The following SLC13A2 variants were observed in gnomAD, a reference collection of about 807,000 sequenced individuals.
SLC13A2 encodes Na(+)-coupled citrate transporter.
Under a neutral mutation model 58.5 loss-of-function variants are expected in SLC13A2, and 40 were observed. The observed-to-expected ratio is 0.68, with a 90% CI of 0.53 to 0.89. The LOEUF (loss-of-function observed/expected upper bound fraction) is 0.89, where lower values mean the gene tolerates loss of function less well. Among genes scored for constraint, SLC13A2 ranks in the 40% least tolerant of loss-of-function variants. SLC13A2 has a pLI of 0.00. For missense variants in SLC13A2, 694 were observed against 772.6 expected (o/e 0.90, Z 1.21); for synonymous variants, 341 against 331.6 (o/e 1.03, Z -0.31).
chr17:28,488,472 A>T (rs1241246339), intron 1 of SLC13A2, among the ~76,000 whole-genome samples: 2 of 152,078 alleles, frequency 1.3e-5, no homozygotes, highest in Non-Finnish European at 2.9e-5. Flanking sequence ...GAGGCTCTAT[A>T]AGGGGGGTGG....
chr17:28,489,269 C>T lies in SLC13A2; in HGVS notation c.158C>T (p.Ala53Val), dbSNP rs782188743. Residue 53 changes from alanine to valine, a missense_variant, in exon 2 of 12, where the codon GCC becomes GTC. By Grantham distance (64) the Ala-to-Val change is moderately conservative. Transcript: ENST00000314669. ...ATGGCGCTCTTCTGGTGCACTGAGG[C>T]CCTGCCCCTGGCCGTCACTGCCCTC... ...ILMALFWCTE[A>V]LPLAVTALFP... 6.2e-7 allele frequency: 1 copy of T among 1,614,060 alleles called. No homozygotes were observed. The highest frequency in any genetic ancestry group is 1.1e-5 in the South Asian group (1 of 91,088).
At chr17:28,476,254 C>T (rs2068668567) in intron 1 of SLC13A2, among the ~76,000 whole-genome samples, 1 of 152,126 alleles carries the variant, frequency 6.6e-6, no homozygotes, top group Admixed American at 6.6e-5. Flanking sequence ...CGGTCATTTC[C>T]CATGTGTCCC....
At position 28,493,737 on chromosome 17, in the gene SLC13A2, G is replaced by A. The variant is rs1555604026; in HGVS notation, c.1045G>A (p.Gly349Ser). 1.9e-6 allele frequency: 3 copies of A among 1,614,224 alleles called. No individual in the cohort carries two copies. In the South Asian group the frequency reaches 3.3e-5, roughly 18 times the overall value. ...LVLLWFTREP[G>S]FFLGWGNLAF... ...GCTGCTCTGGTTCACCCGGGAGCCG[G>A]GCTTTTTTCTTGGCTGGGGCAATTT... Residue 349 changes from glycine to serine, a missense_variant, in exon 7 of 12, where the codon GGC becomes AGC. Transcript: ENST00000314669.
intron 7 of SLC13A2, 29 bp downstream of exon 7, chr17:28,493,818 C>T: frequency 6.2e-7 from 1 of 1,610,234 alleles, no homozygotes; most frequent in Non-Finnish European, 8.5e-7. Flanking sequence ...GGGAGGAGGA[C>T]ACATCTGGGG....
At chr17:28,483,511 C>T (rs976273154) in intron 1 of SLC13A2, among the ~76,000 whole-genome samples, 1 of 152,046 alleles carries the variant, frequency 6.6e-6, no homozygotes, top group Non-Finnish European at 1.5e-5. Context: ...GTGGCACATG[C>T]CTATAGTCCC....
In SLC13A2 at chr17:28,494,039, G is replaced by C. The variant is rs1555604145; in HGVS notation, c.1120G>C (p.Ala374Pro). The change falls in exon 8 of 12, where the codon GCC (alanine) becomes CCC (proline). Residue 374 changes from alanine to proline, a missense_variant. By Grantham distance (27) the Ala-to-Pro change is conservative (BLOSUM62 -1). Transcript: ENST00000314669. This position sits in a 1 kb window ranked among gnomAD's most constrained non-coding sequence, Gnocchi z 4.0. ...CAGCATGGTGTCCGATGGGACAGTG[G>C]CCATCTTCATCGGCATAATTATGTT... ...GESMVSDGTV[A>P]IFIGIIMFII... is the part of the protein sequence containing the mutation. 6.2e-7 allele frequency: 1 copy of C among 1,614,114 alleles called. No individual in the cohort carries two copies. The highest frequency in any genetic ancestry group is 1.7e-5 in the Admixed American group (1 of 60,026).
chr17:28,493,736 G>A lies in SLC13A2; in HGVS notation c.1044G>A (p.Pro348=), dbSNP rs147021128. The A allele has an allele frequency of 1.2e-4, 192 of 1,614,210 alleles. 4 individuals are homozygous for A. The highest frequency in any genetic ancestry group is 1.2e-3 in the South Asian group (108 of 91,080). Residue 348 remains proline, a synonymous_variant, in exon 7 of 12, where the codon CCG becomes CCA. Coordinates refer to ENST00000314669, the MANE Select transcript of SLC13A2 (RefSeq NM_003984.4). ...ILVLLWFTRE[P]GFFLGWGNLA... Reference sequence around the variant, plus strand: ...TGCTGCTCTGGTTCACCCGGGAGCCGGGCTTTTTTCTTGGCTGGGGCAATT... The same window carrying A: ...TGCTGCTCTGGTTCACCCGGGAGCCAGGCTTTTTTCTTGGCTGGGGCAATT...
chr17:28,477,190 TTTG>T (rs1555600105), intron 1 of SLC13A2, among the ~76,000 whole-genome samples: 10 of 116,066 alleles, frequency 8.6e-5, no homozygotes, highest in South Asian at 2.5e-4. Context: ...ACCCAAGTTT[TTTG>T]TTTTTTTTTT....
chr17:28,480,543 G>A (rs528835998), intron 1 of SLC13A2, among the ~76,000 whole-genome samples: 4 of 152,262 alleles, frequency 2.6e-5, no homozygotes, highest in African/African-American at 7.2e-5. Context: ...AGCCAAACAG[G>A]TGTGGGTTCA....
At chr17:28,491,255 C>G (rs987163967) in intron 4 of SLC13A2, among the ~76,000 whole-genome samples, 182 bp from the exon 5 acceptor site, 2 of 152,172 alleles carry the variant, frequency 1.3e-5, no homozygotes, top group African/African-American at 4.8e-5. Context: ...TCCAAGGGTG[C>G]TCCCAGCCTG....
intron 1 of SLC13A2, among the ~76,000 whole-genome samples, chr17:28,487,769 A>G (rs895785340): frequency 5.9e-5 from 9 of 152,250 alleles, no homozygotes; most frequent in South Asian, 2.1e-4. Context: ...AGTGGCCCCA[A>G]TCCTGGGGCT....
At chr17:28,492,096 G>A (rs1370538212) in intron 6 of SLC13A2, among the ~76,000 whole-genome samples, 5 of 152,158 alleles carry the variant, frequency 3.3e-5, no homozygotes, top group Admixed American at 3.3e-4. Context: ...TGTCAGTGCT[G>A]GGGCTGCAAA....
chr17:28,480,601 CAA>C (rs1489863092), intron 1 of SLC13A2, among the ~76,000 whole-genome samples: 2 of 152,192 alleles, frequency 1.3e-5, no homozygotes, highest in Admixed American at 1.3e-4. Flanking sequence ...CGAGCCTCTT[CAA>C]ACCCTGCCAT....
Position 28,495,739 on chromosome 17 carries a change from C to A in SLC13A2, c.1393C>A (p.Leu465Ile). 6.2e-7 allele frequency: 1 copy of A among 1,613,394 alleles called. No individual in the cohort carries two copies. The highest frequency in any genetic ancestry group is 8.5e-7 in the Non-Finnish European group (1 of 1,179,966). ...PAPAIAIILSLLVATFTECTS... is the reference protein window; with the variant it reads ...PAPAIAIILSILVATFTECTS... ...TCCAGCCATTGCCATCATCCTCTCC[C>A]TCCTGGTGGCCACCTTCACCGAGTG... The change falls in exon 10 of 12, where the codon CTC (leucine) becomes ATC (isoleucine). Residue 465 changes from leucine (L) to isoleucine (I), a missense_variant. By Grantham distance (5) the Leu-to-Ile change is conservative. Transcript: ENST00000314669.
At chr17:28,480,860 T>G (rs2068772510) in intron 1 of SLC13A2, among the ~76,000 whole-genome samples, 1 of 152,128 alleles carries the variant, frequency 6.6e-6, no homozygotes, top group Non-Finnish European at 1.5e-5. Context: ...CAGGAAGGAA[T>G]GTCTGGTCAC....
intron 1 of SLC13A2, among the ~76,000 whole-genome samples, chr17:28,487,726 G>C (rs1365308446): frequency 6.6e-6 from 1 of 152,194 alleles, no homozygotes; most frequent in Non-Finnish European, 1.5e-5. Context: ...TGCTGGGGGA[G>C]GAGGGGGCTG....
intron 1 of SLC13A2, among the ~76,000 whole-genome samples, chr17:28,476,047 C>G (rs1271928173): frequency 1.3e-5 from 2 of 152,170 alleles, no homozygotes; most frequent in Non-Finnish European, 2.9e-5. Flanking sequence ...AACCAAAACC[C>G]TTCCTGCCCT....
rs782286291 is a variant in SLC13A2 at position 28,496,551 on chromosome 17, C to T, written c.1572C>T (p.Ile524=). The T allele has an allele frequency of 5.0e-6, 8 of 1,613,826 alleles. No homozygotes were observed. The highest frequency in any genetic ancestry group is 3.3e-5 in the South Asian group (3 of 91,008). The change falls in exon 11 of 12, where the codon ATC becomes ATT. Residue 524 remains isoleucine (I), a synonymous_variant. Transcript: ENST00000314669. The surrounding 1 kb of genome is among the most constrained non-coding windows in gnomAD (Gnocchi z 4.2). ...CTGTGGCCACCCCGCCCAATGCCAT[C>T]GTCTTCTCTTTCGGGGACCTCAAAG... The part of the protein sequence containing the change: ...MLPVATPPNA[I]VFSFGDLKVL...
chr17:28,477,051 T>G (rs2068686842), intron 1 of SLC13A2, among the ~76,000 whole-genome samples: 1 of 151,618 alleles, frequency 6.6e-6, no homozygotes, highest in South Asian at 2.1e-4. Context: ...TCCCAGCTAC[T>G]CGGGAGGCTG....
Sources: gnomAD v4.1 joint callset for allele counts (sites outside exome capture counted in the v4.1 genomes callset) on GRCh38, gnomAD v4.1.1 for gene constraint, Gnocchi (gnomAD v3.1) non-coding constraint, MANE v1.5 for transcripts, NCBI Gene and HGNC (gene_info 2026-07-23, HGNC 2026-07-21) for gene names.